Variants in ABCD3 observed in about 807,000 individuals in gnomAD.
ABCD3 encodes the protein ATP binding cassette subfamily D member 3, also known as ATP-binding cassette sub-family D member 3.
In ABCD3, 41 loss-of-function variants were observed where a neutral mutation model predicts 105.5. The ratio of observed to expected loss-of-function variants is 0.39; its 90% CI spans 0.30 to 0.50. ABCD3 has a LOEUF of 0.50. Among genes scored for constraint, ABCD3 ranks in the 20% least tolerant of loss-of-function variants. The pLI is 0.84. For synonymous variants in ABCD3, 258 were observed against 269.0 expected, an observed-to-expected ratio of 0.96 and a Z score of 0.40; for missense variants, 622 against 806.3, an observed-to-expected ratio of 0.77 and a Z score of 2.77.
intron 8 of ABCD3, chr1:94,480,248 A>G: frequency 3.4e-6 from 2 of 587,308 alleles, no homozygotes; most frequent in Admixed American, 6.0e-5. Flanking sequence ...GAGCTGAGGG[A>G]TAAGCTACAG....
At chr1:94,425,798 CA>C (rs948131275) in intron 1 of ABCD3, among the ~76,000 whole-genome samples, 5 of 152,142 alleles carry the variant, frequency 3.3e-5, no homozygotes, top group East Asian at 3.8e-4. Flanking sequence ...CAAAAATGAA[CA>C]TTTTTTTGTG....
At chr1:94,498,462 A>G (rs1014334309) in intron 16 of ABCD3, 140 bp from the exon 17 acceptor site, 4 of 850,396 alleles carry the variant, frequency 4.7e-6, no homozygotes, top group Non-Finnish European at 7.6e-6. Context: ...TCACTGCTCT[A>G]CCTAATGCTA....
intron 16 of ABCD3, among the ~76,000 whole-genome samples, chr1:94,492,061 G>C (rs1193613332): frequency 6.6e-6 from 1 of 151,942 alleles, no homozygotes; most frequent in Non-Finnish European, 1.5e-5. Context: ...TGTAGATATT[G>C]AGCATGTGAA....
At chr1:94,425,071 T>C (rs1287471508) in intron 1 of ABCD3, among the ~76,000 whole-genome samples, 4 of 152,214 alleles carry the variant, frequency 2.6e-5, no homozygotes, top group Non-Finnish European at 5.9e-5. Flanking sequence ...AGTATATTTA[T>C]GAGCTCTTTA....
intron 10 of ABCD3, 75 bp downstream of exon 10, chr1:94,483,314 C>A: frequency 1.0e-6 from 1 of 999,480 alleles, no homozygotes; most frequent in Non-Finnish European, 1.6e-6. Flanking sequence ...CTATGGCCGA[C>A]ACACATACAC....
chr1:94,445,015 C>T (rs1380663793), intron 1 of ABCD3, among the ~76,000 whole-genome samples: 2 of 152,224 alleles, frequency 1.3e-5, no homozygotes, highest in African/African-American at 2.4e-5. Context: ...GCCTTAAGGA[C>T]ATGTTCCTGC....
Position 94,517,858 on chromosome 1 carries a change from A to G in ABCD3, c.*729A>G, listed in dbSNP as rs957359826. ...ACCTAATCTTCCCAATGTTTGGGATATTAAAACACAAAGTCCTTAACATGC... is the reference window on the plus strand; with the variant it reads ...ACCTAATCTTCCCAATGTTTGGGATGTTAAAACACAAAGTCCTTAACATGC... On this transcript the variant is annotated 3_prime_UTR_variant, in exon 23 of 23. Coordinates refer to ENST00000370214, the MANE Select transcript of ABCD3 (RefSeq NM_002858.4). 6.6e-6 allele frequency: 1 copy of G among 152,362 alleles called. No individual in the cohort carries two copies. Among genetic ancestry groups the G allele is most frequent in the Non-Finnish European group, 1.5e-5 (1 of 67,892 alleles). 9.4% of individuals were successfully genotyped at this position (152,362 alleles called of 1,614,324 possible).
chr1:94,487,134 G>A (rs1471532361), intron 10 of ABCD3, among the ~76,000 whole-genome samples: 2 of 152,162 alleles, frequency 1.3e-5, no homozygotes, highest in Non-Finnish European at 2.9e-5. Flanking sequence ...TGAAAGCAAA[G>A]CATTCAGTGC....
In ABCD3 at chr1:94,467,911, T is replaced by C. The variant is rs1337913535; in HGVS notation, c.247-8T>C. The C allele has an allele frequency of 6.3e-7, 1 of 1,595,518 alleles. No homozygotes were observed. The highest frequency in any genetic ancestry group is 1.1e-5 in the South Asian group (1 of 90,530). On this transcript the variant is annotated splice_polypyrimidine_tract_variant and splice_region_variant and intron_variant, in intron 3 of 22. Coordinates refer to ENST00000370214, the MANE Select transcript of ABCD3 (RefSeq NM_002858.4). ...TGTATTTAATTTACTATACCTGGTTTATTTTAGACAGGTTACTTGGTACTT... is the reference window on the plus strand; with the variant it reads ...TGTATTTAATTTACTATACCTGGTTCATTTTAGACAGGTTACTTGGTACTT...
chr1:94,439,340 C>A lies in ABCD3; in HGVS notation c.111-19267C>A, dbSNP rs892247371. On this transcript the variant is annotated intron_variant, in intron 1 of 22. Transcript: ENST00000370214. ...TTGTGTATCCAAAGGATTTTTTTTT[C>A]ACATTAAAAAAAAATTCTAGGCTGG... Among the ~76,000 whole-genome samples the A allele has an allele frequency of 6.0e-5, 9 of 150,412 alleles. 1 individual carries two copies. Among genetic ancestry groups the A allele is most frequent in the Non-Finnish European group, 1.3e-4 (9 of 67,630 alleles).
intron 1 of ABCD3, among the ~76,000 whole-genome samples, chr1:94,431,888 C>A (rs911263425): frequency 6.6e-6 from 1 of 152,080 alleles, no homozygotes; most frequent in Admixed American, 6.5e-5. Flanking sequence ...GGACTCGTGA[C>A]TTTTTACCCC....
chr1:94,488,816 T>TTA (rs1553172340), intron 13 of ABCD3, among the ~76,000 whole-genome samples: 2 of 20,280 alleles, frequency 9.9e-5, no homozygotes, highest in East Asian at 7.0e-3. Context: ...GTGTTTCCTT[T>TTA]CACTCTCTCT....
At chr1:94,478,513 C>T (rs1463978490) in intron 8 of ABCD3, 198 bp downstream of exon 8, 1 of 1,561,402 alleles carries the variant, frequency 6.4e-7, no homozygotes, top group Non-Finnish European at 8.8e-7. Context: ...TTTTAATTTT[C>T]CTTAAATTAG....
chr1:94,474,183 A>G (rs1045840786), intron 5 of ABCD3, among the ~76,000 whole-genome samples: 3 of 148,408 alleles, frequency 2.0e-5, no homozygotes, highest in African/African-American at 7.5e-5. Flanking sequence ...TCCTAGTTCT[A>G]ACAACCAGAA....
At chr1:94,406,525 C>T in the ABCD3 span, 1 of 377,308 alleles carries the variant, frequency 2.7e-6, no homozygotes, top group Non-Finnish European at 5.2e-6. Flanking sequence ...TCTTTGGCTC[C>T]CTTCTTTTTC....
chr1:94,445,787 T>G (rs898514246), intron 1 of ABCD3, among the ~76,000 whole-genome samples: 2 of 152,166 alleles, frequency 1.3e-5, no homozygotes, highest in African/African-American at 2.4e-5. Flanking sequence ...AAAAGGTGAT[T>G]GCAGATTCAG....
At chr1:94,494,203 GA>G (rs1032617589) in intron 16 of ABCD3, among the ~76,000 whole-genome samples, 15 of 152,040 alleles carry the variant, frequency 9.9e-5, no homozygotes, top group Non-Finnish European at 1.8e-4. Context: ...GTGACAAAGG[GA>G]AAAAAATGTC....
In ABCD3 at chr1:94,419,610, G is replaced by A. The variant is rs528982131; in HGVS notation, c.110+1022G>A. ...AATTTTATTTCATTCATTCCTCTGAGCAGGTACTGTTGCCTCCCGTGTTTG... is the reference window on the plus strand; with the variant it reads ...AATTTTATTTCATTCATTCCTCTGAACAGGTACTGTTGCCTCCCGTGTTTG... On this transcript the variant is annotated intron_variant, in intron 1 of 22. Coordinates refer to ENST00000370214, the MANE Select transcript of ABCD3 (RefSeq NM_002858.4). Among the ~76,000 whole-genome samples the A allele has an allele frequency of 8.5e-5, 13 of 152,246 alleles. No individual in the cohort carries two copies. In the East Asian group the frequency reaches 2.5e-3, roughly 29 times the overall value.
chr1:94,488,049 G>GT (rs1649354061), intron 13 of ABCD3, 66 bp downstream of exon 13: 3 of 1,311,210 alleles, frequency 2.3e-6, no homozygotes, highest in Non-Finnish European at 2.2e-6. Context: ...CTTAATGATT[G>GT]TATCAGTTGA....
Sources: allele counts gnomAD v4.1 joint callset (sites outside exome capture counted in the v4.1 genomes callset), GRCh38; gene constraint gnomAD v4.1.1; transcripts MANE v1.5; gene names NCBI Gene and HGNC (gene_info 2026-07-23, HGNC 2026-07-21).